RMDN2: variants seen among roughly 807,000 people sequenced by gnomAD.
RMDN2 encodes the protein regulator of microtubule dynamics 2, also known as regulator of microtubule dynamics protein 2.
RMDN2 carries 61 observed loss-of-function variants against 52.8 expected under a neutral mutation model. That is an observed-to-expected ratio of 1.16 (90% CI 0.94 to 1.43). The LOEUF (loss-of-function observed/expected upper bound fraction) is 1.43. RMDN2 is among the 40% of genes most tolerant of loss of function. The pLI is 0.00. For missense variants in RMDN2, 592 were observed against 475.3 expected (o/e 1.25, Z -2.28); for synonymous variants, 180 against 153.1 (o/e 1.18, Z -1.30).
intron 4 of RMDN2, among the ~76,000 whole-genome samples, chr2:37,977,113 A>G (rs1418375071): frequency 1.3e-5 from 2 of 152,212 alleles, no homozygotes; most frequent in Admixed American, 1.3e-4. Context: ...CCCTTAATCC[A>G]TTTAACCCTT....
intron 10 of RMDN2, among the ~76,000 whole-genome samples, chr2:38,007,179 A>C (rs1010734277): frequency 6.6e-6 from 1 of 151,920 alleles, no homozygotes; most frequent in African/African-American, 2.4e-5. Flanking sequence ...TTTTTGTTGT[A>C]TCTCTGCCAG....
chr2:37,975,645 G>A lies in RMDN2; in HGVS notation c.730+331G>A, dbSNP rs142217652. On this transcript the variant is annotated intron_variant, in intron 4 of 10. Coordinates refer to ENST00000354545, the MANE Select transcript of RMDN2 (RefSeq NM_001170791.3). The stretch of plus-strand genomic sequence containing the variant: ...TGGGTGCAGAAAACCACCGTGGCAC[G>A]TGTATACCTATGACCTGCATGTTTT... Among the ~76,000 whole-genome samples, 26 of 152,132 alleles carry A rather than the reference G, an allele frequency of 1.7e-4. No individual in the cohort carries two copies. In the East Asian group the frequency reaches 3.7e-3, roughly 22 times the overall value.
chr2:38,010,554 T>C (rs969395400), intron 10 of RMDN2, among the ~76,000 whole-genome samples: 2 of 152,158 alleles, frequency 1.3e-5, no homozygotes, highest in Admixed American at 1.3e-4. Context: ...GCTAAGACCA[T>C]TGGAAAAGCG....
chr2:37,967,136 A>C (rs780235781), intron 2 of RMDN2, among the ~76,000 whole-genome samples: 4 of 152,184 alleles, frequency 2.6e-5, no homozygotes, highest in African/African-American at 4.8e-5. Flanking sequence ...TGCAAGAAAA[A>C]AATGAATTTT....
intron 2 of RMDN2, among the ~76,000 whole-genome samples, chr2:37,960,069 G>T (rs1174781760): frequency 6.6e-6 from 1 of 152,142 alleles, no homozygotes; most frequent in Non-Finnish European, 1.5e-5. Context: ...CAATTATGTG[G>T]TCAGTTTTTG....
At chr2:38,052,483 A>G (rs1558590406) in intron 10 of RMDN2, among the ~76,000 whole-genome samples, 1 of 152,090 alleles carries the variant, frequency 6.6e-6, no homozygotes. Flanking sequence ...TTGTCTCTTC[A>G]TTCTGTTGAT....
At chr2:38,009,135 A>G (rs1307927440) in intron 10 of RMDN2, among the ~76,000 whole-genome samples, 1 of 152,138 alleles carries the variant, frequency 6.6e-6, no homozygotes, top group Non-Finnish European at 1.5e-5. Context: ...GCTGCCCTTA[A>G]CATTTTTTCC....
chr2:38,039,319 C>G (rs1680808801), intron 10 of RMDN2: 1 of 152,100 alleles, frequency 6.6e-6, no homozygotes, highest in African/African-American at 2.4e-5. Flanking sequence ...TCACACTTGT[C>G]TGGTCCCGAA....
At chr2:38,008,629 C>T (rs1313904524) in intron 10 of RMDN2, among the ~76,000 whole-genome samples, 1 of 152,166 alleles carries the variant, frequency 6.6e-6, no homozygotes, top group South Asian at 2.1e-4. Context: ...TTCCTGAATA[C>T]AGCACACTGT....
chr2:37,975,451 A>T (rs1672346390), intron 4 of RMDN2, 137 bp downstream of exon 4: 1 of 538,552 alleles, frequency 1.9e-6, no homozygotes, highest in Admixed American at 3.2e-5. Context: ...GCAAACTAAC[A>T]CAAGAACAGA....
chr2:38,016,425 T>C (rs1204892339), intron 10 of RMDN2, among the ~76,000 whole-genome samples: 1 of 152,242 alleles, frequency 6.6e-6, no homozygotes, highest in Non-Finnish European at 1.5e-5. Flanking sequence ...CTTTTATTCA[T>C]ACCAAAGAAC....
chr2:37,991,544 A>G (rs1238861719), intron 7 of RMDN2, among the ~76,000 whole-genome samples: 1 of 151,988 alleles, frequency 6.6e-6, no homozygotes, highest in African/African-American at 2.4e-5. Context: ...ATTTATATAT[A>G]TTTGTATGTT....
chr2:38,047,014 G>C (rs1409420276), intron 10 of RMDN2, among the ~76,000 whole-genome samples: 1 of 151,886 alleles, frequency 6.6e-6, no homozygotes, highest in African/African-American at 2.4e-5. Flanking sequence ...CAGAAGATCA[G>C]AAGAAAATGG....
At chr2:37,942,729 A>G (rs1667899676) in intron 2 of RMDN2, among the ~76,000 whole-genome samples, 1 of 152,200 alleles carries the variant, frequency 6.6e-6, no homozygotes. Context: ...TTTCCTTTAA[A>G]AAAAGAAAAG....
At chr2:37,944,805 A>G (rs575768831) in intron 2 of RMDN2, among the ~76,000 whole-genome samples, 12 of 152,198 alleles carry the variant, frequency 7.9e-5, no homozygotes, top group African/African-American at 1.9e-4. Flanking sequence ...CAGAGAACAT[A>G]TATTTTATGT....
chr2:38,038,276 G>GT (rs1389071335), intron 10 of RMDN2, among the ~76,000 whole-genome samples: 1 of 152,136 alleles, frequency 6.6e-6, no homozygotes, highest in Non-Finnish European at 1.5e-5. Flanking sequence ...AGGGGGACGC[G>GT]TTCAAGCGAG....
chr2:38,042,918 T>C (rs1248658389), intron 10 of RMDN2, among the ~76,000 whole-genome samples: 1 of 152,156 alleles, frequency 6.6e-6, no homozygotes, highest in African/African-American at 2.4e-5. Flanking sequence ...TGGCCTAGAG[T>C]GTGGTCTCTC....
chr2:38,031,527 G>C (rs1680204291), intron 10 of RMDN2, among the ~76,000 whole-genome samples: 1 of 152,016 alleles, frequency 6.6e-6, no homozygotes, highest in African/African-American at 2.4e-5. Context: ...ATTTCATAAA[G>C]TAGTTGAGAT....
At chr2:38,002,661 C>T (rs763364247) in intron 8 of RMDN2, among the ~76,000 whole-genome samples, 2 of 151,886 alleles carry the variant, frequency 1.3e-5, no homozygotes, top group African/African-American at 4.8e-5. Flanking sequence ...TTTTTATTTG[C>T]CTATACTTGG....
Sources: allele counts gnomAD v4.1 joint callset (sites outside exome capture counted in the v4.1 genomes callset), GRCh38; gene constraint gnomAD v4.1.1; transcripts MANE v1.5; gene names NCBI Gene and HGNC (gene_info 2026-07-23, HGNC 2026-07-21).